UGP2: variants seen among roughly 807,000 people sequenced by gnomAD.
UGP2 encodes UTP--glucose-1-phosphate uridylyltransferase.
A neutral mutation model predicts 49.0 loss-of-function variants in UGP2; 40 were observed. The ratio of observed to expected loss-of-function variants is 0.82; its 90% CI spans 0.63 to 1.06. The LOEUF (loss-of-function observed/expected upper bound fraction) is 1.06, where lower values mean the gene tolerates loss of function less well. Among genes scored for constraint, UGP2 ranks in the 50% least tolerant of loss-of-function variants. UGP2 has a pLI of 0.00. For synonymous variants in UGP2, 225 were observed against 213.0 expected, an observed-to-expected ratio of 1.06 and a Z score of -0.49; for missense variants, 460 against 603.5, an observed-to-expected ratio of 0.76 and a Z score of 2.49.
At chr2:63,857,019 G>C (rs1332205162) in intron 2 of UGP2, 1 of 359,478 alleles carries the variant, frequency 2.8e-6, no homozygotes, top group African/African-American at 2.1e-5. Context: ...AAGTGTAGCG[G>C]CCAGGCGCAG....
chr2:63,860,787 A>G (rs565025970), intron 3 of UGP2, among the ~76,000 whole-genome samples: 99 of 75,080 alleles, frequency 1.3e-3, no homozygotes, highest in African/African-American at 3.8e-3. Flanking sequence ...TTTTTTTTGT[A>G]GAGACAGGGT....
intron 3 of UGP2, among the ~76,000 whole-genome samples, chr2:63,875,210 A>G (rs2104332750): frequency 6.6e-6 from 1 of 152,360 alleles, no homozygotes; most frequent in Non-Finnish European, 1.5e-5. Context: ...TTCTTGGAAC[A>G]CTTTCTGTAC....
rs112778494 is a variant in UGP2 at position 63,891,113 on chromosome 2, C to T, written c.1420-7C>T. The T allele has an allele frequency of 9.0e-5, 145 of 1,607,126 alleles. No individual in the cohort carries two copies. The African/African-American group carries it at 1.7e-3, about 19-fold the overall frequency. On this transcript the variant is annotated splice_region_variant and splice_polypyrimidine_tract_variant and intron_variant, in intron 9 of 9. Transcript: ENST00000337130. ...AAGTACACTCTTTTGTTTTCCCTGT[C>T]ACTTAGGGAACGGTTATCATCATTG...
At position 63,887,296 on chromosome 2, in the gene UGP2, A is replaced by C. The variant is rs1575857850; in HGVS notation, c.1072-106A>C. On this transcript the variant is annotated intron_variant, in intron 7 of 9. Coordinates refer to ENST00000337130, the MANE Select transcript of UGP2 (RefSeq NM_006759.4). ...AAAAAAAAATTTTTTTTTTTCCATC[A>C]ATGGATCTCTGAAATCACTTCCCAA... The C allele has an allele frequency of 3.4e-6, 5 of 1,488,786 alleles. No individual in the cohort carries two copies. The East Asian group carries it at 1.1e-4, about 34-fold the overall frequency. 92.2% of individuals were successfully genotyped at this position (1,488,786 alleles called of 1,614,324 possible).
intron 1 of UGP2, among the ~76,000 whole-genome samples, chr2:63,846,572 A>T (rs1671949583): frequency 6.6e-6 from 1 of 152,208 alleles, no homozygotes; most frequent in South Asian, 2.1e-4. Flanking sequence ...CACTTAAAAA[A>T]TGCTTGAGGC....
chr2:63,882,698 GT>G, intron 4 of UGP2, 47 bp downstream of exon 4: 8 of 1,436,734 alleles, frequency 5.6e-6, no homozygotes, highest in Non-Finnish European at 7.4e-6. Flanking sequence ...ATAGTTTTTA[GT>G]TTTTAAGTTA....
At chr2:63,871,637 C>T (rs1408589967) in intron 3 of UGP2, among the ~76,000 whole-genome samples, 1 of 152,166 alleles carries the variant, frequency 6.6e-6, no homozygotes, top group Non-Finnish European at 1.5e-5. Context: ...TGAAAATTGC[C>T]TGATTTCTGT....
At chr2:63,876,559 T>A (rs1162775921) in intron 3 of UGP2, among the ~76,000 whole-genome samples, 1 of 152,244 alleles carries the variant, frequency 6.6e-6, no homozygotes, top group African/African-American at 2.4e-5. Context: ...CGGCAGGACC[T>A]ACATTTAATT....
At chr2:63,871,581 C>T (rs1341793801) in intron 3 of UGP2, among the ~76,000 whole-genome samples, 2 of 152,260 alleles carry the variant, frequency 1.3e-5, no homozygotes, top group Non-Finnish European at 2.9e-5. Context: ...CCACTGTGCA[C>T]GGCCACAAAA....
chr2:63,850,764 A>T (rs547893088), intron 1 of UGP2, among the ~76,000 whole-genome samples: 1 of 152,254 alleles, frequency 6.6e-6, no homozygotes, highest in African/African-American at 2.4e-5. Flanking sequence ...TACTTATCTT[A>T]ACTCTGCCTT....
chr2:63,851,701 T>C (rs181112764), intron 1 of UGP2, among the ~76,000 whole-genome samples: 1 of 152,346 alleles, frequency 6.6e-6, no homozygotes, highest in East Asian at 1.9e-4. Flanking sequence ...ATCTTATAGT[T>C]AGGATGCTTT....
chr2:63,843,141 A>G (rs1432863126), intron 1 of UGP2, among the ~76,000 whole-genome samples: 4 of 152,242 alleles, frequency 2.6e-5, no homozygotes, highest in Admixed American at 6.5e-5. Context: ...AGTAATGGCC[A>G]TCATTTGACC....
chr2:63,841,383 T>A (rs1288298322), upstream of UGP2, among the ~76,000 whole-genome samples: 1 of 151,708 alleles, frequency 6.6e-6, no homozygotes, highest in African/African-American at 2.4e-5. Flanking sequence ...GGCGAGAATA[T>A]GTACGGGAAG....
chr2:63,866,927 G>A (rs904867984), intron 3 of UGP2, among the ~76,000 whole-genome samples: 20 of 152,136 alleles, frequency 1.3e-4, no homozygotes, highest in African/African-American at 4.1e-4. Flanking sequence ...AGGAAATACA[G>A]ATTTCTCGTG....
At chr2:63,873,318 C>G (rs1383079956) in intron 3 of UGP2, among the ~76,000 whole-genome samples, 1 of 152,168 alleles carries the variant, frequency 6.6e-6, no homozygotes, top group Non-Finnish European at 1.5e-5. Flanking sequence ...CAAACAGAAG[C>G]CTTCTCATTG....
chr2:63,882,765 T>A (rs899765103), intron 4 of UGP2, 114 bp downstream of exon 4: 196 of 1,164,078 alleles, frequency 1.7e-4, no homozygotes, highest in Non-Finnish European at 2.2e-4. Context: ...AAGAGCCTGC[T>A]ATCTTTAATC....
intron 1 of UGP2, among the ~76,000 whole-genome samples, chr2:63,844,774 C>T (rs976987010): frequency 6.6e-6 from 1 of 152,160 alleles, no homozygotes; most frequent in Non-Finnish European, 1.5e-5. Flanking sequence ...GTTTCTCAGG[C>T]TGGTCTCAAA....
In UGP2 at chr2:63,887,650, T is replaced by G. The variant is rs773862873; in HGVS notation, c.1314+6T>G. 11 of 1,613,900 alleles carry G rather than the reference T, an allele frequency of 6.8e-6. No individual in the cohort carries two copies. Among genetic ancestry groups the G allele is most frequent in the Non-Finnish European group, 9.3e-6 (11 of 1,179,878 alleles). ...TAGGCAGTTCTTTTACGAAGGTACG[T>G]AACTATAAAGATATGTGAGTTCATA... On this transcript the variant is annotated splice_donor_region_variant and intron_variant, in intron 8 of 9. Transcript: ENST00000337130.
At chr2:63,852,629 G>A (rs929489655) in intron 1 of UGP2, among the ~76,000 whole-genome samples, 1 of 152,188 alleles carries the variant, frequency 6.6e-6, no homozygotes, top group African/African-American at 2.4e-5. Context: ...ATCCTCCTTG[G>A]CACTATTAGA....
Sources: gnomAD v4.1 joint callset for allele counts (sites outside exome capture counted in the v4.1 genomes callset) on GRCh38, gnomAD v4.1.1 for gene constraint, MANE v1.5 for transcripts, NCBI Gene and HGNC (gene_info 2026-07-23, HGNC 2026-07-21) for gene names.